PHLPP1: variants seen among roughly 807,000 people sequenced by gnomAD.
The protein encoded by PHLPP1 is PH domain leucine-rich repeat-containing protein phosphatase 1.
PHLPP1 carries 42 observed loss-of-function variants against 117.2 expected under a neutral mutation model. That is an observed-to-expected ratio of 0.36 (90% CI 0.28 to 0.46). The LOEUF (loss-of-function observed/expected upper bound fraction) is 0.46. Among genes scored for constraint, PHLPP1 ranks in the 20% least tolerant of loss-of-function variants. PHLPP1 has a pLI of 1.00. For synonymous variants in PHLPP1, 1,042 were observed against 970.7 expected, an observed-to-expected ratio of 1.07 and a Z score of -1.37; for missense variants, 2,084 against 2,241.9, an observed-to-expected ratio of 0.93 and a Z score of 1.42.
At chr18:62,867,086 T>C (rs1915788947) in intron 4 of PHLPP1, among the ~76,000 whole-genome samples, 1 of 152,202 alleles carries the variant, frequency 6.6e-6, no homozygotes, top group South Asian at 2.1e-4. Context: ...AGTAACACCC[T>C]ATATAGATTT....
At chr18:62,776,367 C>T (rs866221192) in intron 1 of PHLPP1, among the ~76,000 whole-genome samples, 7 of 152,234 alleles carry the variant, frequency 4.6e-5, no homozygotes, top group African/African-American at 9.6e-5. Context: ...TTCTTATTGC[C>T]GTCGACTGAT....
chr18:62,870,018 G>A (rs535002152), intron 4 of PHLPP1, among the ~76,000 whole-genome samples: 5 of 152,206 alleles, frequency 3.3e-5, no homozygotes, highest in Non-Finnish European at 5.9e-5. Context: ...TCAGCCTCCC[G>A]AATGGATGGG....
rs535194355 is a variant in PHLPP1, at chr18:62,716,884, G to A, written c.1201G>A (p.Ala401Thr). 1 of 1,527,662 alleles carries A rather than the reference G, an allele frequency of 6.5e-7. No homozygotes were observed. The highest frequency in any genetic ancestry group is 1.4e-5 in the African/African-American group (1 of 71,594). The allele number at this position is 1,527,662 out of a possible 1,614,324, so 94.6% of individuals were successfully genotyped here. ...CCAGCCCCGCCGTCCCGGCCACCCC[G>A]CGCAGCCCCTCCCGCTTCCCCAGAC... ...PGQPRRPGHP[A>T]QPLPLPQTAS... The change falls in exon 1 of 17, where the codon GCG becomes ACG. Residue 401 changes from alanine to threonine, a missense_variant. By Grantham distance (58) the Ala-to-Thr change is moderately conservative. This residue lies in a region of PHLPP1 where 719 missense variants were observed against 636.0 expected (regional missense o/e 1.13). Transcript: ENST00000262719. The surrounding 1 kb of genome is among the most constrained non-coding windows in gnomAD (Gnocchi z 5.7).
At chr18:62,966,688 C>G (rs1342625998) in intron 14 of PHLPP1, among the ~76,000 whole-genome samples, 3 of 152,094 alleles carry the variant, frequency 2.0e-5, no homozygotes, top group Non-Finnish European at 2.9e-5. Flanking sequence ...CCAGGATGGT[C>G]TCGATCTCCT....
chr18:62,765,488 C>T (rs1157561694), intron 1 of PHLPP1, among the ~76,000 whole-genome samples: 1 of 152,150 alleles, frequency 6.6e-6, no homozygotes, highest in Non-Finnish European at 1.5e-5. Flanking sequence ...TGCATTGGTA[C>T]CTTTATTGGC....
intron 4 of PHLPP1, 94 bp downstream of exon 4, chr18:62,860,695 A>G: frequency 9.6e-7 from 1 of 1,041,060 alleles, no homozygotes; most frequent in Non-Finnish European, 1.4e-6. Context: ...GAAAAAAGCT[A>G]GTGTGTAAAC....
intron 1 of PHLPP1, among the ~76,000 whole-genome samples, chr18:62,746,047 ATTT>A (rs879347300): frequency 2.0e-4 from 30 of 146,856 alleles, no homozygotes; most frequent in Middle Eastern, 3.6e-3. Flanking sequence ...AGAAAAACTA[ATTT>A]TTTTTTTTTT....
chr18:62,924,134 A>T (rs1399663460), intron 10 of PHLPP1, among the ~76,000 whole-genome samples: 1 of 152,248 alleles, frequency 6.6e-6, no homozygotes, highest in Non-Finnish European at 1.5e-5. Context: ...ATTTAGGCTC[A>T]TGGTATAATG....
At chr18:62,928,364 T>C (rs1909708309) in intron 10 of PHLPP1, among the ~76,000 whole-genome samples, 1 of 152,120 alleles carries the variant, frequency 6.6e-6, no homozygotes, top group Non-Finnish European at 1.5e-5. Context: ...AGGATTTGAA[T>C]AGACATGTCT....
intron 1 of PHLPP1, 88 bp from the exon 2 acceptor site, chr18:62,829,947 T>A: frequency 3.6e-6 from 3 of 831,568 alleles, no homozygotes; most frequent in Non-Finnish European, 5.5e-6. Flanking sequence ...ATTATTCCCT[T>A]GTTGTCCAAT....
chr18:62,886,197 C>T (rs1004129684), intron 4 of PHLPP1, among the ~76,000 whole-genome samples: 11 of 152,186 alleles, frequency 7.2e-5, no homozygotes, highest in African/African-American at 2.7e-4. Context: ...CAGCTTGATT[C>T]TACCATCTCT....
At chr18:62,799,714 A>G (rs1368567731) in intron 1 of PHLPP1, among the ~76,000 whole-genome samples, 1 of 152,200 alleles carries the variant, frequency 6.6e-6, no homozygotes, top group Non-Finnish European at 1.5e-5. Context: ...TGTGTTCTAC[A>G]GCAGAAGTGC....
At chr18:62,948,824 A>C (rs1004696645) in intron 12 of PHLPP1, among the ~76,000 whole-genome samples, 5 of 152,046 alleles carry the variant, frequency 3.3e-5, no homozygotes, top group Admixed American at 3.3e-4. Context: ...CTCTGAATTG[A>C]TATTTTTGTG....
intron 10 of PHLPP1, among the ~76,000 whole-genome samples, chr18:62,932,901 C>T (rs1909859121): frequency 6.6e-6 from 1 of 152,198 alleles, no homozygotes; most frequent in Admixed American, 6.5e-5. Context: ...ACTTGATAAA[C>T]AACTTCAGTA....
intron 3 of PHLPP1, among the ~76,000 whole-genome samples, chr18:62,853,325 A>G (rs1194045556): frequency 6.6e-6 from 1 of 151,740 alleles, no homozygotes; most frequent in Non-Finnish European, 1.5e-5. Context: ...TTACTAACTC[A>G]ATTAGCCTTA....
At chr18:62,805,761 A>G (rs1327503122) in intron 1 of PHLPP1, among the ~76,000 whole-genome samples, 2 of 152,176 alleles carry the variant, frequency 1.3e-5, no homozygotes, top group Admixed American at 6.6e-5. Flanking sequence ...GTGGGTGTCT[A>G]CTTAAGAAAC....
At chr18:62,729,489 G>C (rs556270327) in intron 1 of PHLPP1, among the ~76,000 whole-genome samples, 2 of 152,224 alleles carry the variant, frequency 1.3e-5, no homozygotes, top group African/African-American at 4.8e-5. Flanking sequence ...TTGAGGTCAG[G>C]AGTTCGAGAC....
chr18:62,879,960 T>C (rs1311982044), intron 4 of PHLPP1, among the ~76,000 whole-genome samples: 5 of 152,140 alleles, frequency 3.3e-5, no homozygotes, highest in African/African-American at 7.2e-5. Flanking sequence ...TAAACACTCA[T>C]GGTACTTCCT....
At chr18:62,906,472 G>T (rs589949) in intron 8 of PHLPP1, 58,031 of 142,270 alleles carry the variant, frequency 0.41, 11,389 homozygotes, top group Middle Eastern at 0.55. Context: ...GCCGAAGCAG[G>T]GCGAGGCATT....
Sources: allele counts gnomAD v4.1 joint callset (sites outside exome capture counted in the v4.1 genomes callset), GRCh38; gene constraint gnomAD v4.1.1; regional missense constraint gnomAD v4.1.1; non-coding constraint Gnocchi (gnomAD v3.1); transcripts MANE v1.5; gene names NCBI Gene and HGNC (gene_info 2026-07-23, HGNC 2026-07-21).